The following COL21A1 variants were observed in gnomAD, a reference collection of about 807,000 sequenced individuals.
COL21A1 encodes the protein collagen alpha-1(XXI) chain.
Under a neutral mutation model 137.9 loss-of-function variants are expected in COL21A1, and 149 were observed. That is an observed-to-expected ratio of 1.08 (90% CI 0.95 to 1.24). The LOEUF is 1.24. COL21A1 is among the 50% of genes most tolerant of loss of function. COL21A1 has a pLI of 0.00. For missense variants in COL21A1, 1,167 were observed against 1,158.4 expected (o/e 1.01, Z -0.11); for synonymous variants, 456 against 391.5 (o/e 1.16, Z -1.95).
chr6:56,180,477 T>C (rs926013833), intron 2 of COL21A1, among the ~76,000 whole-genome samples: 1 of 152,236 alleles, frequency 6.6e-6, no homozygotes, highest in Non-Finnish European at 1.5e-5. Context: ...TGATGTCTCA[T>C]ATTCAGTGAA....
chr6:56,260,036 G>C (rs898449686), intron 1 of COL21A1, among the ~76,000 whole-genome samples: 2 of 152,140 alleles, frequency 1.3e-5, no homozygotes, highest in Non-Finnish European at 2.9e-5. Context: ...CCAGAGGGTA[G>C]GTGTGACCCA....
intron 20 of COL21A1, among the ~76,000 whole-genome samples, chr6:56,071,136 C>T (rs1766714935): frequency 2.6e-5 from 4 of 151,442 alleles, no homozygotes; most frequent in Admixed American, 2.6e-4. Flanking sequence ...CAGCATCCTC[C>T]GGGCTGAGAT....
rs564951925 is a variant in COL21A1, at chr6:56,194,065, G to T, written c.-38-11409C>A. 2.3e-4 allele frequency among the ~76,000 whole-genome samples: 35 copies of T among 152,280 alleles called. No individual in the cohort carries two copies. The South Asian group carries it at 6.6e-3, about 29-fold the overall frequency. ...AGGCATTTTTGGTGAGTCATCACCA[G>T]GATGTGCTGTTTTATGGTAACAACA... On this transcript the variant is annotated intron_variant, in intron 1 of 29. Transcript: ENST00000244728.
chr6:56,174,705 C>T (rs1049509500), intron 3 of COL21A1, among the ~76,000 whole-genome samples: 7 of 152,022 alleles, frequency 4.6e-5, no homozygotes, highest in Admixed American at 1.3e-4. Flanking sequence ...TACCAGGTGG[C>T]TTCAGTGGTG....
chr6:56,220,614 G>A (rs1386845314), intron 1 of COL21A1, among the ~76,000 whole-genome samples: 1 of 152,122 alleles, frequency 6.6e-6, no homozygotes. Flanking sequence ...GACACAAGAT[G>A]TCCGCACTGT....
Position 56,113,914 on chromosome 6 carries a change from T to G in COL21A1, c.1758+10148A>C, listed in dbSNP as rs192356227. 5.3e-4 allele frequency among the ~76,000 whole-genome samples: 81 copies of G among 152,234 alleles called. 2 individuals are homozygous for G. The South Asian group carries it at 0.016, about 31-fold the overall frequency. On this transcript the variant is annotated intron_variant, in intron 16 of 29. Coordinates refer to ENST00000244728, the MANE Select transcript of COL21A1 (RefSeq NM_030820.4). ...ACCTTGGGGCTCAAAGAAACGTCAG[T>G]GGTCATCTGGCAGTACTCCTCATGG...
intron 1 of COL21A1, among the ~76,000 whole-genome samples, chr6:56,268,401 C>A (rs567383292): frequency 1.3e-5 from 2 of 152,310 alleles, no homozygotes; most frequent in African/African-American, 4.8e-5. Context: ...CAAACCCCCA[C>A]TACAGAGCAT....
chr6:56,087,071 GTTTTGTTTTGTTTTGTTTTGT>G (rs1236704701), intron 17 of COL21A1, among the ~76,000 whole-genome samples: 1 of 65,794 alleles, frequency 1.5e-5, no homozygotes, highest in African/African-American at 1.1e-4. Context: ...CTTTTGTTTT[GTTTTGTTTTGTTTTGTTTTGT>G]TTTGTTTTGT....
At chr6:56,127,849 T>G (rs553471301) in intron 12 of COL21A1, among the ~76,000 whole-genome samples, 2 of 152,288 alleles carry the variant, frequency 1.3e-5, no homozygotes, top group South Asian at 4.1e-4. Context: ...TCCAGTGTCT[T>G]GAAGTATTAT....
Position 56,170,821 on chromosome 6 carries a change from GACACAAATACATATGAT to G in COL21A1, c.837_853del (p.Ser280TyrfsTer5), listed in dbSNP as rs1179883731. On this transcript the variant is annotated frameshift_variant, in exon 5 of 30. Transcript: ENST00000244728. LOFTEE classifies it high-confidence loss of function. ...TTTCTTGACTTTAAATCTTTGAGTAGACACAAATACATATGATGGAGGAAGACCTTCTGGGAAAACAT... is the reference window on the plus strand; with the variant it reads ...TTTCTTGACTTTAAATCTTTGAGTAGGGAGGAAGACCTTCTGGGAAAACAT... 3.0e-5 allele frequency: 49 copies of G among 1,610,754 alleles called. No individual in the cohort carries two copies. The highest frequency in any genetic ancestry group is 4.0e-5 in the Non-Finnish European group (47 of 1,177,938).
At chr6:56,158,121 G>A (rs925724472) in intron 9 of COL21A1, among the ~76,000 whole-genome samples, 2 of 151,932 alleles carry the variant, frequency 1.3e-5, no homozygotes, top group African/African-American at 2.4e-5. Flanking sequence ...AATATCATAG[G>A]TATCTATCTC....
Position 56,179,767 on chromosome 6 carries a change from C to T in COL21A1, c.451G>A (p.Val151Ile), listed in dbSNP as rs765241387. ...VLTDGKSQDD[V>I]KDAAQAARDS... ...CTTGCTGCTTGAGCTGCATCCTTGA[C>T]GTCATCTTGGGATTTGCCATCCGTA... is the stretch of plus-strand genomic sequence containing the variant. The change falls in exon 3 of 30, where the codon GTC becomes ATC. Residue 151 changes from valine to isoleucine, a missense_variant. Physicochemically the swap from Val to Ile is conservative, Grantham distance 29 (BLOSUM62 3). Transcript: ENST00000244728. The T allele has an allele frequency of 9.9e-6, 16 of 1,613,888 alleles. No individual in the cohort carries two copies. Among genetic ancestry groups the T allele is most frequent in the Admixed American group, 3.3e-5 (2 of 60,010 alleles).
intron 1 of COL21A1, among the ~76,000 whole-genome samples, chr6:56,193,374 T>C (rs1166243351): frequency 6.6e-6 from 1 of 152,074 alleles, no homozygotes; most frequent in African/African-American, 2.4e-5. Context: ...AATCATGAAC[T>C]GTTATAGGAA....
At chr6:56,348,597 G>A (rs1765643986) in intron 1 of COL21A1, among the ~76,000 whole-genome samples, 1 of 152,160 alleles carries the variant, frequency 6.6e-6, no homozygotes, top group Non-Finnish European at 1.5e-5. Flanking sequence ...CAACAAAAGA[G>A]GCCAAGGGGA....
intron 10 of COL21A1, among the ~76,000 whole-genome samples, chr6:56,150,381 G>A (rs1424465705): frequency 6.6e-6 from 1 of 152,140 alleles, no homozygotes; most frequent in African/African-American, 2.4e-5. Flanking sequence ...AGCAGGGCGT[G>A]GTGGCGGGCG....
intron 3 of COL21A1, 64 bp downstream of exon 3, chr6:56,179,514 T>C: frequency 8.1e-7 from 1 of 1,234,096 alleles, no homozygotes. Context: ...AGAAATTATA[T>C]CAAAATGTAA....
intron 1 of COL21A1, among the ~76,000 whole-genome samples, chr6:56,374,584 T>C (rs1248298198): frequency 6.6e-6 from 1 of 151,920 alleles, no homozygotes; most frequent in South Asian, 2.1e-4. Context: ...TAGCTGGGCA[T>C]GGTGGCGCGT....
At chr6:56,103,278 C>T (rs1770611522) in intron 16 of COL21A1, among the ~76,000 whole-genome samples, 5 of 152,130 alleles carry the variant, frequency 3.3e-5, no homozygotes, top group Admixed American at 3.3e-4. Flanking sequence ...CTAATGCAGC[C>T]ATTTGAGAAC....
intron 1 of COL21A1, among the ~76,000 whole-genome samples, chr6:56,390,096 A>G (rs2094026229): frequency 6.6e-6 from 1 of 152,208 alleles, no homozygotes; most frequent in South Asian, 2.1e-4. Flanking sequence ...TAGAAGACAA[A>G]ACAATCAAAG....
Sources: gnomAD v4.1 joint callset for allele counts (sites outside exome capture counted in the v4.1 genomes callset) on GRCh38, gnomAD v4.1.1 for gene constraint, MANE v1.5 for transcripts, NCBI Gene and HGNC (gene_info 2026-07-23, HGNC 2026-07-21) for gene names.